Variants in HORMAD2 observed in about 807,000 individuals in gnomAD.
HORMAD2 encodes the protein HORMA domain-containing protein 2.
A neutral mutation model predicts 38.8 loss-of-function variants in HORMAD2; 45 were observed. That is an observed-to-expected ratio of 1.16 (90% CI 0.91 to 1.49). The LOEUF (loss-of-function observed/expected upper bound fraction) is 1.49, where lower values mean the gene tolerates loss of function less well. Among genes scored for constraint, HORMAD2 ranks in the 40% most tolerant of loss-of-function variants. HORMAD2 has a pLI of 0.00. For synonymous variants in HORMAD2, 126 were observed against 122.8 expected (o/e 1.03, Z -0.17); for missense variants, 338 against 367.0 (o/e 0.92, Z 0.65).
chr22:30,160,747 T>C (rs1437482912), intron 10 of HORMAD2, among the ~76,000 whole-genome samples: 1 of 152,204 alleles, frequency 6.6e-6, no homozygotes, highest in East Asian at 1.9e-4. Flanking sequence ...ATAACTATAG[T>C]TGAACTAAAT....
At chr22:30,148,480 C>T (rs927808299) in intron 10 of HORMAD2, among the ~76,000 whole-genome samples, 2 of 152,044 alleles carry the variant, frequency 1.3e-5, no homozygotes, top group East Asian at 1.9e-4. Flanking sequence ...ATACATTTAT[C>T]AAAATGCAAA....
the HORMAD2 span, among the ~76,000 whole-genome samples, chr22:30,190,494 G>A: frequency 1.2e-4 from 18 of 152,316 alleles, no homozygotes; most frequent in South Asian, 3.5e-3. Context: ...GCACTATGAA[G>A]TCCCCATTGG....
intron 5 of HORMAD2, 125 bp downstream of exon 5, chr22:30,104,562 C>A: frequency 1.5e-6 from 1 of 682,074 alleles, no homozygotes; most frequent in Non-Finnish European, 2.4e-6. Context: ...CATCCATAAA[C>A]TAATTTCTTA....
chr22:30,186,913 G>A, the HORMAD2 span, among the ~76,000 whole-genome samples: 1 of 150,864 alleles, frequency 6.6e-6, no homozygotes, highest in Non-Finnish European at 1.5e-5. Flanking sequence ...GTTGGGGGTG[G>A]GGGGGTCATC....
At chr22:30,082,596 C>T (rs1318388214) in intron 1 of HORMAD2, among the ~76,000 whole-genome samples, 1 of 151,598 alleles carries the variant, frequency 6.6e-6, no homozygotes, top group South Asian at 2.1e-4. Context: ...GTGAGACCTC[C>T]CCCTCCACCC....
rs1411536073 is a variant in HORMAD2 at position 30,114,070 on chromosome 22, T to G, written c.342+1548T>G. Among the ~76,000 whole-genome samples, 6 of 152,184 alleles carry G rather than the reference T, an allele frequency of 3.9e-5. No homozygotes were observed. The East Asian group carries it at 1.2e-3, about 29-fold the overall frequency. On this transcript the variant is annotated intron_variant, in intron 7 of 10. Transcript: ENST00000336726. ...TTCCTAGTTTGAAACCAGTGTTTTTTGGGGGTAGTGAAATGCTAAGCAAGT... is the reference window on the plus strand; with the variant it reads ...TTCCTAGTTTGAAACCAGTGTTTTTGGGGGGTAGTGAAATGCTAAGCAAGT...
At chr22:30,082,536 A>C (rs553531144) in intron 1 of HORMAD2, among the ~76,000 whole-genome samples, 8 of 152,200 alleles carry the variant, frequency 5.3e-5, no homozygotes, top group Admixed American at 5.2e-4. Context: ...CATATGTGTA[A>C]TCCCAAAACT....
At chr22:30,153,014 G>A (rs1355752447) in intron 10 of HORMAD2, among the ~76,000 whole-genome samples, 3 of 152,024 alleles carry the variant, frequency 2.0e-5, no homozygotes, top group African/African-American at 4.8e-5. Context: ...CAGTATGCTC[G>A]TCTTTTTATT....
chr22:30,134,398 T>TAA (rs1555949231), intron 10 of HORMAD2, among the ~76,000 whole-genome samples: 1 of 147,276 alleles, frequency 6.8e-6, no homozygotes, highest in Non-Finnish European at 1.5e-5. Flanking sequence ...TATATATATA[T>TAA]AATCATAAAT....
intron 10 of HORMAD2, among the ~76,000 whole-genome samples, chr22:30,126,430 G>A (rs1441709336): frequency 6.6e-6 from 1 of 152,112 alleles, no homozygotes; most frequent in African/African-American, 2.4e-5. Context: ...GCCTGCCAAA[G>A]TGCTGGGATT....
At chr22:30,090,810 A>G (rs1030482690) in intron 1 of HORMAD2, among the ~76,000 whole-genome samples, 1 of 152,250 alleles carries the variant, frequency 6.6e-6, no homozygotes, top group Non-Finnish European at 1.5e-5. Flanking sequence ...TACAATATGT[A>G]ATGGTCAAGT....
chr22:30,148,979 G>A (rs1227203278), intron 10 of HORMAD2, among the ~76,000 whole-genome samples: 2 of 148,726 alleles, frequency 1.3e-5, no homozygotes, highest in South Asian at 2.1e-4. Flanking sequence ...ACTCCGTCTC[G>A]AAAAAAAAAA....
At chr22:30,200,420 A>AC in the HORMAD2 span, among the ~76,000 whole-genome samples, 1 of 152,202 alleles carries the variant, frequency 6.6e-6, no homozygotes, top group African/African-American at 2.4e-5. Context: ...ACATAGGTTT[A>AC]CTGCTATGTG....
At chr22:30,162,318 TACACACAC>T (rs71198531) in intron 10 of HORMAD2, among the ~76,000 whole-genome samples, 27,188 of 147,880 alleles carry the variant, frequency 0.18, 2,462 homozygotes, top group African/African-American at 0.19. Flanking sequence ...CGTCTCAAAA[TACACACAC>T]ACACACACAC....
chr22:30,193,993 G>A, the HORMAD2 span, among the ~76,000 whole-genome samples: 2 of 152,158 alleles, frequency 1.3e-5, no homozygotes, highest in African/African-American at 4.8e-5. Flanking sequence ...CAGTCAGAAG[G>A]GGCCTTGGTC....
At chr22:30,099,647 G>A (rs1404177589) in intron 3 of HORMAD2, among the ~76,000 whole-genome samples, 1 of 152,158 alleles carries the variant, frequency 6.6e-6, no homozygotes, top group Non-Finnish European at 1.5e-5. Context: ...AACACTTTGG[G>A]AGGCCGAGGC....
At chr22:30,094,444 T>A (rs2068746678) in intron 2 of HORMAD2, among the ~76,000 whole-genome samples, 1 of 152,200 alleles carries the variant, frequency 6.6e-6, no homozygotes, top group Non-Finnish European at 1.5e-5. Context: ...TATAGTTTAG[T>A]TTGTCTCATG....
rs1163351513 is a variant in HORMAD2 at position 30,149,580 on chromosome 22, G to A, written c.820-26483G>A. On this transcript the variant is annotated intron_variant, in intron 10 of 10. Coordinates refer to ENST00000336726, the MANE Select transcript of HORMAD2 (RefSeq NM_152510.4). ...TTTTCACCTTTGACCAAATCTGGAT[G>A]TTTGCTCTCTCTGCCTGGTATTGGG... Among the ~76,000 whole-genome samples the A allele has an allele frequency of 4.6e-5, 7 of 152,192 alleles. No homozygotes were observed. In the East Asian group the frequency reaches 1.3e-3, roughly 29 times the overall value.
At chr22:30,111,861 A>G (rs760335717) in intron 6 of HORMAD2, 45 bp downstream of exon 6, 3 of 1,489,604 alleles carry the variant, frequency 2.0e-6, no homozygotes, top group African/African-American at 2.8e-5. Flanking sequence ...TCTCTATTTC[A>G]TTGTCTTTTG....
Sources: gnomAD v4.1 joint callset for allele counts (sites outside exome capture counted in the v4.1 genomes callset) on GRCh38, gnomAD v4.1.1 for gene constraint, MANE v1.5 for transcripts, NCBI Gene and HGNC (gene_info 2026-07-23, HGNC 2026-07-21) for gene names.